Variants in MYT1L observed in about 807,000 individuals in gnomAD.
MYT1L encodes the protein myelin transcription factor 1 like, also known as myelin transcription factor 1-like protein.
In MYT1L, 12 loss-of-function variants were observed where a neutral mutation model predicts 126.7. The observed-to-expected ratio is 0.09, with a 90% CI of 0.06 to 0.15. The LOEUF (loss-of-function observed/expected upper bound fraction) is 0.15, where lower values mean the gene tolerates loss of function less well. Ranked by LOEUF, MYT1L falls within the 10% of genes least tolerant of loss-of-function variation. The pLI is 1.00. For synonymous variants in MYT1L, 541 were observed against 604.2 expected (o/e 0.90, Z 1.53); for missense variants, 979 against 1,585.2 (o/e 0.62, Z 6.49).
At chr2:1,999,619 A>C (rs978593845) in intron 4 of MYT1L, among the ~76,000 whole-genome samples, 12 of 152,248 alleles carry the variant, frequency 7.9e-5, no homozygotes, top group Non-Finnish European at 1.6e-4. Context: ...AAGGTCAATA[A>C]ATGGAAAACT....
chr2:2,153,062 CT>C (rs1477014754), intron 3 of MYT1L, among the ~76,000 whole-genome samples: 5 of 152,082 alleles, frequency 3.3e-5, no homozygotes, highest in African/African-American at 9.7e-5. Context: ...CTTTGGGAGA[CT>C]AAGGTGGGAG....
chr2:2,183,337 T>A (rs563424880), intron 2 of MYT1L, among the ~76,000 whole-genome samples: 1 of 152,052 alleles, frequency 6.6e-6, no homozygotes, highest in South Asian at 2.1e-4. Flanking sequence ...GAGAGGCTGC[T>A]CACCTCTGTG....
At chr2:2,276,578 C>T (rs180895995) in intron 2 of MYT1L, among the ~76,000 whole-genome samples, 16 of 152,254 alleles carry the variant, frequency 1.1e-4, no homozygotes, top group Non-Finnish European at 2.4e-4. Context: ...CTTGGTCCTC[C>T]TGACATCTTC....
chr2:2,107,033 G>A (rs2078840434), intron 3 of MYT1L, among the ~76,000 whole-genome samples: 1 of 151,606 alleles, frequency 6.6e-6, no homozygotes, highest in African/African-American at 2.4e-5. Context: ...TCTATAAAGT[G>A]GAGATCAACA....
chr2:1,922,921 C>T lies in MYT1L; in HGVS notation c.848G>A (p.Arg283Lys). The change falls in exon 10 of 25, where the codon AGA becomes AAA. Residue 283 changes from arginine to lysine, a missense_variant. Physicochemically the swap from Arg to Lys is conservative, Grantham distance 26. This residue lies in a region of MYT1L where 243 missense variants were observed against 363.9 expected (regional missense o/e 0.67). Coordinates refer to ENST00000647738, the MANE Select transcript of MYT1L (RefSeq NM_001303052.2). The surrounding 1 kb of genome is among the most constrained non-coding windows in gnomAD (Gnocchi z 7.4). ...CTGCGACATGCTGTCTGCATAATTT[C>T]TGTCATTCATGTTTTCTGAGAGCAC... is the stretch of plus-strand genomic sequence containing the variant. ...GVVLSENMND[R>K]NYADSMSQQD... 1 of 1,614,062 alleles carries T rather than the reference C, an allele frequency of 6.2e-7. No homozygotes were observed. The highest frequency in any genetic ancestry group is 8.5e-7 in the Non-Finnish European group (1 of 1,179,904).
At chr2:2,197,762 C>T (rs1449518837) in intron 2 of MYT1L, among the ~76,000 whole-genome samples, 2 of 141,202 alleles carry the variant, frequency 1.4e-5, no homozygotes, top group Non-Finnish European at 3.1e-5. Flanking sequence ...CACACACACA[C>T]ACAATGAATG....
Position 1,922,678 on chromosome 2 carries a change from T to C in MYT1L, c.1091A>G (p.Glu364Gly). The change falls in exon 10 of 25, where the codon GAA (glutamate) becomes GGA (glycine). Residue 364 changes from glutamate (E) to glycine (G), a missense_variant. By Grantham distance (98) the Glu-to-Gly change is moderately conservative. Transcript: ENST00000647738. The surrounding 1 kb of genome is among the most constrained non-coding windows in gnomAD (Gnocchi z 7.4). ...NMNIRQHVRP[E>G]EDFPGRTPDR... ...CGGCGTCCTTCCGGGGAAGTCCTCT[T>C]CTGGCCGGACATGCTGACGGATGTT... 3 of 1,613,840 alleles carry C rather than the reference T, an allele frequency of 1.9e-6. No individual in the cohort carries two copies. In the South Asian group the frequency reaches 3.3e-5, roughly 18 times the overall value.
intron 2 of MYT1L, among the ~76,000 whole-genome samples, chr2:2,241,837 A>G (rs1225162995): frequency 6.6e-6 from 1 of 152,206 alleles, no homozygotes; most frequent in Admixed American, 6.5e-5. Flanking sequence ...AGCAGTCACA[A>G]AAGAACAGAT....
intron 1 of MYT1L, among the ~76,000 whole-genome samples, chr2:2,314,285 G>C (rs1045623969): frequency 6.6e-6 from 1 of 152,150 alleles, no homozygotes; most frequent in African/African-American, 2.4e-5. Flanking sequence ...CCATGTCACT[G>C]TGAATCATAT....
intron 21 of MYT1L, among the ~76,000 whole-genome samples, chr2:1,819,677 G>A (rs141438258): frequency 0.014 from 2,091 of 152,340 alleles, 17 homozygotes; most frequent in Non-Finnish European, 0.019. Context: ...GTCCGATGAT[G>A]TGATGCTCTG....
At chr2:1,909,632 G>A (rs796321228) in intron 13 of MYT1L, among the ~76,000 whole-genome samples, 32 of 152,286 alleles carry the variant, frequency 2.1e-4, no homozygotes, top group African/African-American at 7.0e-4. Context: ...GATGATCTGC[G>A]ACATTGTAAC....
intron 18 of MYT1L, among the ~76,000 whole-genome samples, chr2:1,873,413 T>TA (rs1333903812): frequency 1.3e-5 from 2 of 152,074 alleles, no homozygotes; most frequent in Non-Finnish European, 2.9e-5. Flanking sequence ...GAGAAATACT[T>TA]AGAGAGATGC....
In MYT1L at chr2:1,887,351, C is replaced by A; in HGVS notation, c.2642+137G>T. ...ACGGTTAGCTGCTCACTCTACTGAC[C>A]CAGCAGTCGGAAACATTTATATGCT... is the stretch of plus-strand genomic sequence containing the variant. On this transcript the variant is annotated intron_variant, in intron 17 of 24. Coordinates refer to ENST00000647738, the MANE Select transcript of MYT1L (RefSeq NM_001303052.2). The surrounding 1 kb of genome is among the most constrained non-coding windows in gnomAD (Gnocchi z 4.8). 8.8e-7 allele frequency: 1 copy of A among 1,137,588 alleles called. No individual in the cohort carries two copies. The highest frequency in any genetic ancestry group is 1.3e-6 in the Non-Finnish European group (1 of 785,558). 70.5% of individuals were successfully genotyped at this position (1,137,588 alleles called of 1,614,324 possible). A position where few individuals can be genotyped will look rare whatever the true frequency, so the allele number is the denominator to read the frequency against.
intron 21 of MYT1L, among the ~76,000 whole-genome samples, chr2:1,832,029 A>C (rs6548055): frequency 0.52 from 78,621 of 151,934 alleles, 23,805 homozygotes; most frequent in African/African-American, 0.85. Context: ...AAAATGAAAT[A>C]ACCATCTTTC....
At chr2:1,858,668 A>C (rs948119877) in intron 18 of MYT1L, among the ~76,000 whole-genome samples, 2 of 152,182 alleles carry the variant, frequency 1.3e-5, no homozygotes, top group Admixed American at 6.5e-5. Flanking sequence ...CCAATTTCTT[A>C]AAGAGATTTC....
chr2:2,170,548 G>A (rs952143894), intron 3 of MYT1L, among the ~76,000 whole-genome samples: 4 of 152,128 alleles, frequency 2.6e-5, no homozygotes, highest in Admixed American at 2.0e-4. Context: ...TATGTAACAC[G>A]ATGATTTACA....
chr2:2,076,027 C>T (rs1479502425), intron 3 of MYT1L, among the ~76,000 whole-genome samples: 2 of 152,192 alleles, frequency 1.3e-5, no homozygotes, highest in Non-Finnish European at 2.9e-5. Context: ...GAAATCTGGA[C>T]TCTGTGGGCA....
intron 4 of MYT1L, among the ~76,000 whole-genome samples, chr2:2,045,662 T>C (rs1009220273): frequency 6.6e-6 from 1 of 152,240 alleles, no homozygotes; most frequent in Non-Finnish European, 1.5e-5. Flanking sequence ...TCTGCTCATG[T>C]AGTTGTACTG....
At chr2:2,015,347 A>G (rs2064266182) in intron 4 of MYT1L, among the ~76,000 whole-genome samples, 1 of 152,180 alleles carries the variant, frequency 6.6e-6, no homozygotes, top group Non-Finnish European at 1.5e-5. Flanking sequence ...GATCCTCACA[A>G]AAAGGCCACG....
Sources: gnomAD v4.1 joint callset for allele counts (sites outside exome capture counted in the v4.1 genomes callset) on GRCh38, gnomAD v4.1.1 for gene constraint, gnomAD v4.1.1 regional missense constraint, Gnocchi (gnomAD v3.1) non-coding constraint, MANE v1.5 for transcripts, NCBI Gene and HGNC (gene_info 2026-07-23, HGNC 2026-07-21) for gene names.